Variants in RHBDD1 observed in about 807,000 individuals in gnomAD.
RHBDD1 encodes rhomboid domain containing 1, also known as rhomboid-related protein 4.
RHBDD1 carries 38 observed loss-of-function variants against 36.3 expected under a neutral mutation model. The ratio of observed to expected loss-of-function variants is 1.05; its 90% CI spans 0.81 to 1.37. The LOEUF (loss-of-function observed/expected upper bound fraction) is 1.37. Among genes scored for constraint, RHBDD1 ranks in the 40% most tolerant of loss-of-function variants. The probability of loss-of-function intolerance (pLI) is 0.00; values close to 1 mark genes in which losing one functional copy is unlikely to be tolerated. For synonymous variants in RHBDD1, 151 were observed against 136.5 expected (o/e 1.11, Z -0.74); for missense variants, 393 against 377.6 (o/e 1.04, Z -0.34).
chr2:226,833,532 T>C (rs1303980712), upstream of RHBDD1, among the ~76,000 whole-genome samples: 1 of 152,226 alleles, frequency 6.6e-6, no homozygotes, highest in Non-Finnish European at 1.5e-5. Flanking sequence ...TCGGGTGGCT[T>C]AATCATAGGT....
chr2:226,906,949 A>T, intron 6 of RHBDD1, 68 bp downstream of exon 6: 2 of 1,509,290 alleles, frequency 1.3e-6, no homozygotes, highest in Non-Finnish European at 1.8e-6. Context: ...TGTGAACAGA[A>T]GCAACCCCAA....
At chr2:226,866,403 T>G (rs1019636505) in intron 4 of RHBDD1, among the ~76,000 whole-genome samples, 2 of 152,156 alleles carry the variant, frequency 1.3e-5, no homozygotes, top group African/African-American at 4.8e-5. Flanking sequence ...TTTGTAGTTT[T>G]TTTTCTGACC....
intron 5 of RHBDD1, among the ~76,000 whole-genome samples, chr2:226,890,684 T>C (rs1236526705): frequency 6.6e-6 from 1 of 152,206 alleles, no homozygotes; most frequent in African/African-American, 2.4e-5. Flanking sequence ...TTATGCTCTT[T>C]TAGTTATTTT....
At chr2:226,885,448 T>C (rs1353980949) in intron 5 of RHBDD1, among the ~76,000 whole-genome samples, 2 of 152,260 alleles carry the variant, frequency 1.3e-5, no homozygotes, top group Non-Finnish European at 2.9e-5. Context: ...CAATAAATCA[T>C]GTTGTACATC....
At chr2:226,869,145 T>C in intron 5 of RHBDD1, 2 of 984,404 alleles carry the variant, frequency 2.0e-6, no homozygotes, top group Non-Finnish European at 2.4e-6. Context: ...TTTTTAGGGT[T>C]CCCCCCAACT....
Position 226,904,421 on chromosome 2 carries a change from G to GC in RHBDD1, c.567-2372_567-2371insC, listed in dbSNP as rs1251601003. On this transcript the variant is annotated intron_variant, in intron 5 of 8. Coordinates refer to ENST00000392062, the MANE Select transcript of RHBDD1 (RefSeq NM_001167608.3). ...TGTGGCACATCCTGCAAGCGGGGGG[G>GC]GAGGGGGGTCAGGGAACTCCTGTTT... Among the ~76,000 whole-genome samples the GC allele has an allele frequency of 2.8e-4, 41 of 148,434 alleles. 3 individuals are homozygous for GC. In the East Asian group the frequency reaches 6.9e-3, roughly 25 times the overall value.
intron 3 of RHBDD1, among the ~76,000 whole-genome samples, chr2:226,854,919 G>A (rs1204770958): frequency 6.6e-6 from 1 of 151,968 alleles, no homozygotes; most frequent in Non-Finnish European, 1.5e-5. Context: ...AGGTGATAAA[G>A]GCCTGATTTC....
intron 6 of RHBDD1, among the ~76,000 whole-genome samples, chr2:226,907,220 A>G (rs774571575): frequency 1.3e-5 from 2 of 152,240 alleles, no homozygotes; most frequent in Non-Finnish European, 2.9e-5. Flanking sequence ...CTTCTATAAT[A>G]GTCCATGAAT....
chr2:226,930,439 C>G (rs192356619), intron 8 of RHBDD1, among the ~76,000 whole-genome samples: 1 of 151,778 alleles, frequency 6.6e-6, no homozygotes, highest in Non-Finnish European at 1.5e-5. Flanking sequence ...GCTGGGAAAA[C>G]AGCCACATGC....
At chr2:226,861,025 A>G (rs76006444) in intron 3 of RHBDD1, among the ~76,000 whole-genome samples, 1,940 of 152,300 alleles carry the variant, frequency 0.013, 50 homozygotes, top group African/African-American at 0.044. Flanking sequence ...ATACATGTTT[A>G]TTAAATACAT....
At chr2:226,929,187 G>A (rs903551585) in intron 8 of RHBDD1, among the ~76,000 whole-genome samples, 1 of 151,888 alleles carries the variant, frequency 6.6e-6, no homozygotes, top group African/African-American at 2.4e-5. Context: ...GCCACAAAAG[G>A]ACATAACAAA....
intron 8 of RHBDD1, among the ~76,000 whole-genome samples, chr2:226,990,737 C>T (rs1430289338): frequency 6.6e-6 from 1 of 152,150 alleles, no homozygotes; most frequent in Non-Finnish European, 1.5e-5. Flanking sequence ...TATGATCTTA[C>T]TACTGGTGCT....
chr2:226,815,549 A>C, the RHBDD1 span, among the ~76,000 whole-genome samples: 1 of 152,200 alleles, frequency 6.6e-6, no homozygotes, highest in Non-Finnish European at 1.5e-5. Context: ...TATTTTAGAC[A>C]GTTTTATATT....
chr2:226,867,345 G>T, intron 5 of RHBDD1, 27 bp downstream of exon 5: 1 of 1,597,234 alleles, frequency 6.3e-7, no homozygotes, highest in Non-Finnish European at 8.5e-7. Context: ...GGGGAATACA[G>T]TTGAAGGACC....
At chr2:226,953,837 A>G (rs1951597299) in intron 8 of RHBDD1, among the ~76,000 whole-genome samples, 1 of 152,128 alleles carries the variant, frequency 6.6e-6, no homozygotes, top group South Asian at 2.1e-4. Context: ...CGTTCTTAAG[A>G]CCCAAATTAT....
chr2:226,914,521 C>A (rs1948761055), intron 8 of RHBDD1, 170 bp downstream of exon 8: 2 of 660,690 alleles, frequency 3.0e-6, no homozygotes, highest in South Asian at 4.8e-5. Context: ...ATGCCATATT[C>A]CCAGCAACCT....
In RHBDD1 at chr2:226,864,933, T is replaced by C. The variant is rs765730894; in HGVS notation, c.240T>C (p.His80=). The change falls in exon 4 of 9, where the codon CAT becomes CAC. Residue 80 remains histidine, a synonymous_variant. Coordinates refer to ENST00000392062, the MANE Select transcript of RHBDD1 (RefSeq NM_001167608.3). The part of the protein sequence containing the change: ...LSPLHHADDW[H]LYFNMASMLW... Reference sequence around the variant, plus strand: ...CCCTTCACCATGCTGATGATTGGCATTTGTATTTCAATATGGCATCCATGC... The same window carrying C: ...CCCTTCACCATGCTGATGATTGGCACTTGTATTTCAATATGGCATCCATGC... 1 of 1,614,210 alleles carries C rather than the reference T, an allele frequency of 6.2e-7. No homozygotes were observed. The highest frequency in any genetic ancestry group is 1.1e-5 in the South Asian group (1 of 91,088).
chr2:226,810,055 G>T, the RHBDD1 span, among the ~76,000 whole-genome samples: 6 of 152,122 alleles, frequency 3.9e-5, no homozygotes, highest in African/African-American at 1.4e-4. Context: ...TATAGTTGAT[G>T]CTTGAACAAT....
At chr2:226,994,954 C>T (rs572651123) in intron 8 of RHBDD1, among the ~76,000 whole-genome samples, 1 of 152,088 alleles carries the variant, frequency 6.6e-6, no homozygotes, top group Non-Finnish European at 1.5e-5. Context: ...GTTTCAATCA[C>T]GCATGATTCT....
Sources: allele counts gnomAD v4.1 joint callset (sites outside exome capture counted in the v4.1 genomes callset), GRCh38; gene constraint gnomAD v4.1.1; transcripts MANE v1.5; gene names NCBI Gene and HGNC (gene_info 2026-07-23, HGNC 2026-07-21).